DGKI: variants seen among roughly 807,000 people sequenced by gnomAD.
DGKI encodes the protein diacylglycerol kinase iota, also known as DAG kinase iota.
DGKI carries 55 observed loss-of-function variants against 147.5 expected under a neutral mutation model. The observed-to-expected ratio is 0.37, with a 90% CI of 0.30 to 0.47. The LOEUF (loss-of-function observed/expected upper bound fraction) is 0.47, where lower values mean the gene tolerates loss of function less well. Ranked by LOEUF, DGKI falls within the 20% of genes least tolerant of loss-of-function variation. The pLI is 1.00. For missense variants in DGKI, 1,007 were observed against 1,323.8 expected, an observed-to-expected ratio of 0.76 and a Z score of 3.71; for synonymous variants, 469 against 477.1, an observed-to-expected ratio of 0.98 and a Z score of 0.22.
intron 1 of DGKI, among the ~76,000 whole-genome samples, chr7:137,793,202 G>A (rs1021463481): frequency 2.0e-5 from 3 of 151,844 alleles, no homozygotes; most frequent in African/African-American, 7.3e-5. Flanking sequence ...CTTGGTCTCT[G>A]TCCATCTGCC....
intron 20 of DGKI, among the ~76,000 whole-genome samples, chr7:137,551,315 T>C (rs1818037580): frequency 6.6e-6 from 1 of 151,984 alleles, no homozygotes; most frequent in Non-Finnish European, 1.5e-5. Flanking sequence ...TAAGTGTTGG[T>C]AGTGAATGAG....
At chr7:137,694,455 G>A (rs1459632458) in intron 1 of DGKI, among the ~76,000 whole-genome samples, 2 of 152,054 alleles carry the variant, frequency 1.3e-5, no homozygotes, top group Admixed American at 1.3e-4. Flanking sequence ...TGTGGCTCCC[G>A]TTTTCTATCT....
chr7:137,533,778 C>T (rs541061201), intron 20 of DGKI, among the ~76,000 whole-genome samples: 46 of 152,122 alleles, frequency 3.0e-4, no homozygotes, highest in East Asian at 1.5e-3. Flanking sequence ...TGTGATTCTT[C>T]CAATGGTACT....
chr7:137,457,712 T>C (rs1213289799), intron 27 of DGKI, among the ~76,000 whole-genome samples: 2 of 152,220 alleles, frequency 1.3e-5, no homozygotes, highest in African/African-American at 2.4e-5. Context: ...ACATAGCATA[T>C]GGAGAGGTTG....
chr7:137,589,310 G>A (rs781045193), intron 12 of DGKI, among the ~76,000 whole-genome samples: 23 of 152,176 alleles, frequency 1.5e-4, no homozygotes, highest in Non-Finnish European at 2.9e-4. Context: ...AAACTTGCTC[G>A]TCTACCAATT....
chr7:137,587,232 G>A (rs766470767), intron 12 of DGKI, 22 bp from the exon 13 acceptor site: 6 of 1,564,804 alleles, frequency 3.8e-6, no homozygotes, highest in Non-Finnish European at 4.3e-6. Flanking sequence ...TCGGGGGCCA[G>A]AAGAGATATA....
At chr7:137,452,916 C>T (rs975609669) in intron 27 of DGKI, 10 of 152,218 alleles carry the variant, frequency 6.6e-5, no homozygotes, top group African/African-American at 2.4e-4. Flanking sequence ...ATGTTCATGC[C>T]TGGTCAGCAT....
chr7:137,651,676 G>A (rs1329314834), intron 5 of DGKI, among the ~76,000 whole-genome samples: 6 of 152,196 alleles, frequency 3.9e-5, no homozygotes, highest in East Asian at 1.9e-4. Flanking sequence ...GTGGGCAGAC[G>A]GAAGAGAACA....
At chr7:137,685,501 T>C (rs1823384683) in intron 2 of DGKI, among the ~76,000 whole-genome samples, 1 of 152,198 alleles carries the variant, frequency 6.6e-6, no homozygotes, top group African/African-American at 2.4e-5. Flanking sequence ...GGGAGACATG[T>C]GACATTTAAA....
chr7:137,556,785 T>C (rs1251739790), intron 19 of DGKI, among the ~76,000 whole-genome samples: 1 of 152,202 alleles, frequency 6.6e-6, no homozygotes, highest in Non-Finnish European at 1.5e-5. Context: ...ATTAAAATAA[T>C]AGAAATACTA....
At chr7:137,569,291 C>T (rs1347085078) in intron 19 of DGKI, among the ~76,000 whole-genome samples, 2 of 152,074 alleles carry the variant, frequency 1.3e-5, no homozygotes, top group Non-Finnish European at 2.9e-5. Flanking sequence ...AGCCTTCTAC[C>T]ACAGTCAGAA....
At chr7:137,662,684 G>T (rs1822486154) in intron 3 of DGKI, among the ~76,000 whole-genome samples, 1 of 151,394 alleles carries the variant, frequency 6.6e-6, no homozygotes, top group Admixed American at 6.6e-5. Flanking sequence ...CTCCTTAGAG[G>T]TTCAATTGCA....
intron 28 of DGKI, among the ~76,000 whole-genome samples, chr7:137,434,459 T>C (rs561168767): frequency 7.2e-5 from 11 of 152,164 alleles, no homozygotes; most frequent in African/African-American, 2.7e-4. Context: ...TGCACGCCTG[T>C]AATCCCAGCT....
intron 21 of DGKI, among the ~76,000 whole-genome samples, chr7:137,498,699 G>A (rs1347790676): frequency 6.6e-6 from 1 of 152,052 alleles, no homozygotes; most frequent in East Asian, 1.9e-4. Flanking sequence ...GTTGAATGAA[G>A]GACCCATGAT....
intron 21 of DGKI, among the ~76,000 whole-genome samples, chr7:137,494,506 G>A (rs1815888161): frequency 6.6e-6 from 1 of 152,188 alleles, no homozygotes; most frequent in African/African-American, 2.4e-5. Flanking sequence ...GAAGAGATTA[G>A]GGGCCTATAT....
intron 21 of DGKI, among the ~76,000 whole-genome samples, chr7:137,490,166 T>C (rs968334535): frequency 6.6e-6 from 1 of 152,146 alleles, no homozygotes; most frequent in African/African-American, 2.4e-5. Flanking sequence ...CCAACAACTG[T>C]CAAATTTATT....
At chr7:137,692,355 C>T (rs909743718) in intron 1 of DGKI, among the ~76,000 whole-genome samples, 1 of 152,130 alleles carries the variant, frequency 6.6e-6, no homozygotes, top group Non-Finnish European at 1.5e-5. Context: ...ACAAAAAATA[C>T]CAAACCACAC....
At chr7:137,709,862 C>A (rs1205403078) in intron 1 of DGKI, among the ~76,000 whole-genome samples, 1 of 150,756 alleles carries the variant, frequency 6.6e-6, no homozygotes, top group African/African-American at 2.4e-5. Flanking sequence ...AAGAAGAGAC[C>A]ATAAACAAAT....
chr7:137,512,774 C>T (rs955447473), intron 21 of DGKI, among the ~76,000 whole-genome samples: 1 of 152,050 alleles, frequency 6.6e-6, no homozygotes, highest in Non-Finnish European at 1.5e-5. Context: ...TAGCACAGCA[C>T]CAGAGCATAT....
Sources: allele counts gnomAD v4.1 joint callset (sites outside exome capture counted in the v4.1 genomes callset), GRCh38; gene constraint gnomAD v4.1.1; transcripts MANE v1.5; gene names NCBI Gene and HGNC (gene_info 2026-07-23, HGNC 2026-07-21).